The following GLDC variants were observed in gnomAD, a reference collection of about 807,000 sequenced individuals.
GLDC encodes glycine dehydrogenase (decarboxylating), mitochondrial.
GLDC carries 104 observed loss-of-function variants against 121.3 expected under a neutral mutation model. The observed-to-expected ratio is 0.86, with a 90% confidence interval of 0.73 to 1.01. The LOEUF (loss-of-function observed/expected upper bound fraction) is 1.01. GLDC is among the 50% of genes least tolerant of loss of function. The pLI is 0.00. For synonymous variants in GLDC, 546 were observed against 480.6 expected (o/e 1.14, Z -1.78); for missense variants, 1,429 against 1,306.6 (o/e 1.09, Z -1.44).
At chr9:6,627,876 C>T (rs1437486620) in intron 2 of GLDC, among the ~76,000 whole-genome samples, 1 of 152,190 alleles carries the variant, frequency 6.6e-6, no homozygotes, top group Non-Finnish European at 1.5e-5. Context: ...CACTGGTTGC[C>T]ATTTCTCAGA....
chr9:6,534,651 A>T, intron 24 of GLDC, 57 bp downstream of exon 24: 2 of 866,478 alleles, frequency 2.3e-6, no homozygotes, highest in East Asian at 4.8e-5. Context: ...TACACCCGTC[A>T]GGATAGGAGC....
intron 16 of GLDC, 64 bp downstream of exon 16, chr9:6,565,290 G>A (rs904975235): frequency 3.5e-6 from 4 of 1,127,420 alleles, no homozygotes; most frequent in African/African-American, 3.0e-5. Context: ...CCCACAGAAG[G>A]GACCCTGAGA....
intron 5 of GLDC, chr9:6,606,270 A>C (rs73402952): frequency 0.032 from 11,120 of 348,030 alleles, 1,171 homozygotes; most frequent in African/African-American, 0.22. Context: ...GGTTCCCTCA[A>C]CTGCACTCCA....
intron 16 of GLDC, among the ~76,000 whole-genome samples, chr9:6,561,763 G>A (rs186938549): frequency 7.0e-4 from 106 of 152,298 alleles, no homozygotes; most frequent in African/African-American, 2.6e-3. Context: ...CATTTAGGGG[G>A]TGCTATGTTT....
intron 15 of GLDC, among the ~76,000 whole-genome samples, chr9:6,568,237 CTA>C (rs1392246221): frequency 1.3e-5 from 2 of 152,082 alleles, no homozygotes; most frequent in Admixed American, 6.6e-5. Context: ...TAAAAATCAG[CTA>C]TGTTTCAACC....
At chr9:6,551,820 G>C (rs1251779049) in intron 20 of GLDC, among the ~76,000 whole-genome samples, 1 of 152,190 alleles carries the variant, frequency 6.6e-6, no homozygotes, top group East Asian at 1.9e-4. Flanking sequence ...GTAGGGCAAG[G>C]TGAGTTGTGA....
At chr9:6,599,100 C>T (rs1423154968) in intron 8 of GLDC, among the ~76,000 whole-genome samples, 5 of 151,698 alleles carry the variant, frequency 3.3e-5, no homozygotes, top group Admixed American at 2.0e-4. Context: ...AGGAGTATCG[C>T]TTGAACCCGG....
At chr9:6,629,913 G>A (rs1819325901) in intron 2 of GLDC, among the ~76,000 whole-genome samples, 1 of 111,842 alleles carries the variant, frequency 8.9e-6, no homozygotes, top group Non-Finnish European at 1.7e-5. Context: ...GATGTGGGAG[G>A]GAGGCTTGCT....
chr9:6,626,030 C>G (rs1483961776), intron 2 of GLDC, among the ~76,000 whole-genome samples: 1 of 152,034 alleles, frequency 6.6e-6, no homozygotes, highest in Non-Finnish European at 1.5e-5. Flanking sequence ...AATGCCACCC[C>G]TCTGCCTGCC....
intron 14 of GLDC, 121 bp downstream of exon 14, chr9:6,588,280 A>G (rs1355634401): frequency 1.9e-5 from 15 of 803,708 alleles, no homozygotes; most frequent in African/African-American, 1.7e-4. Flanking sequence ...GTAAAGAATT[A>G]TTAAAATAGT....
chr9:6,563,822 T>C (rs1313204041), intron 16 of GLDC, among the ~76,000 whole-genome samples: 1 of 152,020 alleles, frequency 6.6e-6, no homozygotes, highest in East Asian at 1.9e-4. Flanking sequence ...GAATGGCCTG[T>C]TTTTCAAAGA....
intron 2 of GLDC, among the ~76,000 whole-genome samples, chr9:6,626,495 G>C (rs1384194692): frequency 6.6e-6 from 1 of 151,486 alleles, no homozygotes; most frequent in Non-Finnish European, 1.5e-5. Flanking sequence ...AACTAAGATG[G>C]TGCCTGCCAC....
rs748556946 is a variant in GLDC, at chr9:6,606,636, G to A, written c.669C>T (p.Pro223=). ...CAGCTATTGTCTGTGGGTGGCAACG[G>A]GGATCAACGAGAAATTTCCTCCTCT... is the stretch of plus-strand genomic sequence containing the variant. ...HNKRRKFLVD[P]RCHPQTIAVV... Residue 223 remains proline (P), a synonymous_variant, in exon 5 of 25, where the codon CCC becomes CCT. Transcript: ENST00000321612. 2 of 1,609,446 alleles carry A rather than the reference G, an allele frequency of 1.2e-6. No homozygotes were observed. Among genetic ancestry groups the A allele is most frequent in the Admixed American group, 3.3e-5 (2 of 60,018 alleles).
intron 16 of GLDC, among the ~76,000 whole-genome samples, chr9:6,564,638 C>A (rs1817819338): frequency 6.6e-6 from 1 of 152,216 alleles, no homozygotes; most frequent in South Asian, 2.1e-4. Context: ...TCTAGCATAG[C>A]ACTGGCCATC....
chr9:6,572,656 T>G (rs1049142670), intron 15 of GLDC, among the ~76,000 whole-genome samples: 15 of 152,206 alleles, frequency 9.9e-5, no homozygotes, highest in African/African-American at 3.6e-4. Context: ...GTTCCATATT[T>G]CCCACAGTGA....
chr9:6,594,617 T>C (rs759897534), intron 9 of GLDC, among the ~76,000 whole-genome samples: 7 of 151,958 alleles, frequency 4.6e-5, no homozygotes, highest in African/African-American at 1.7e-4. Flanking sequence ...ATCACATGAA[T>C]CCGGGAAGTG....
chr9:6,615,792 T>C (rs989142426), intron 3 of GLDC, among the ~76,000 whole-genome samples: 7 of 152,074 alleles, frequency 4.6e-5, no homozygotes, highest in Admixed American at 2.0e-4. Context: ...TTTTGTATTT[T>C]TTGTAGAGAT....
chr9:6,625,590 A>G (rs761065355), intron 2 of GLDC, among the ~76,000 whole-genome samples: 9 of 152,152 alleles, frequency 5.9e-5, no homozygotes, highest in South Asian at 2.1e-4. Context: ...GAATTTGGCT[A>G]TTGTGCCAAG....
At chr9:6,546,953 C>T (rs1817405589) in intron 21 of GLDC, among the ~76,000 whole-genome samples, 1 of 151,792 alleles carries the variant, frequency 6.6e-6, no homozygotes, top group Non-Finnish European at 1.5e-5. Context: ...CCAAGCGAGA[C>T]TCTGTCTCAA....
Sources: allele counts gnomAD v4.1 joint callset (sites outside exome capture counted in the v4.1 genomes callset), GRCh38; gene constraint gnomAD v4.1.1; transcripts MANE v1.5; gene names NCBI Gene and HGNC (gene_info 2026-07-23, HGNC 2026-07-21).